The following GSDME variants were observed in gnomAD, a reference collection of about 807,000 sequenced individuals.
GSDME encodes gasdermin E, also known as gasdermin-E.
Under a neutral mutation model 47.5 loss-of-function variants are expected in GSDME, and 44 were observed. The observed-to-expected ratio is 0.93, with a 90% CI of 0.73 to 1.19. GSDME has a LOEUF of 1.19. GSDME is among the 50% of genes most tolerant of loss of function. GSDME has a pLI of 0.00. For synonymous variants in GSDME, 258 were observed against 252.8 expected (o/e 1.02, Z -0.20); for missense variants, 663 against 604.2 (o/e 1.10, Z -1.02).
At chr7:24,794,451 A>G in the GSDME span, among the ~76,000 whole-genome samples, 1,096 of 152,098 alleles carry the variant, frequency 7.2e-3, 19 homozygotes, top group African/African-American at 0.025. Flanking sequence ...TCCCTTTGTC[A>G]CTAGTACTAC....
chr7:24,702,930 T>A, intron 8 of GSDME, 97 bp from the exon 9 acceptor site: 1 of 1,051,704 alleles, frequency 9.5e-7, no homozygotes, highest in Non-Finnish European at 1.4e-6. Context: ...TTTAGTACTT[T>A]CCCGCCAGCC....
chr7:24,700,918 C>T (rs940031396), intron 9 of GSDME, among the ~76,000 whole-genome samples: 3 of 152,176 alleles, frequency 2.0e-5, no homozygotes, highest in African/African-American at 7.2e-5. Flanking sequence ...ATCCACCACC[C>T]CCTTTGCCCA....
At chr7:24,715,084 G>A (rs527800732) in intron 5 of GSDME, among the ~76,000 whole-genome samples, 1 of 152,208 alleles carries the variant, frequency 6.6e-6, no homozygotes, top group Non-Finnish European at 1.5e-5. Context: ...CAGAGGACAG[G>A]ATGCTAAATG....
intron 4 of GSDME, 106 bp downstream of exon 4, chr7:24,718,941 G>T: frequency 7.8e-7 from 1 of 1,278,452 alleles, no homozygotes; most frequent in Non-Finnish European, 1.1e-6. Context: ...CTGTTAACTT[G>T]CTACGGAAAG....
chr7:24,709,592 C>T (rs931155496), intron 6 of GSDME, among the ~76,000 whole-genome samples: 4 of 151,978 alleles, frequency 2.6e-5, no homozygotes, highest in Admixed American at 2.6e-4. Flanking sequence ...TAAGCTCTCA[C>T]CTATTTGTTT....
the GSDME span, among the ~76,000 whole-genome samples, chr7:24,780,283 C>T: frequency 6.6e-6 from 1 of 152,148 alleles, no homozygotes; most frequent in South Asian, 2.1e-4. The surrounding 1 kb of genome is among the most constrained non-coding windows in gnomAD (Gnocchi z 4.1). Context: ...TTGATACACC[C>T]TAGCCAAAGG....
At chr7:24,743,839 C>G (rs1332245161) in intron 3 of GSDME, among the ~76,000 whole-genome samples, 1 of 152,208 alleles carries the variant, frequency 6.6e-6, no homozygotes, top group Non-Finnish European at 1.5e-5. Flanking sequence ...CTAGCACATC[C>G]TAGCCCCTCT....
In GSDME at chr7:24,726,827, A is replaced by G. The variant is rs573622288; in HGVS notation, c.405-7609T>C. Reference sequence around the variant, plus strand: ...TCTCAAAAAAAAAAAAAAAAAACCAATGGCCTCGAGGAAGAGTTTCCAATG... The same window carrying G: ...TCTCAAAAAAAAAAAAAAAAAACCAGTGGCCTCGAGGAAGAGTTTCCAATG... On this transcript the variant is annotated intron_variant, in intron 3 of 9. Coordinates refer to ENST00000645220, the MANE Select transcript of GSDME (RefSeq NM_001127453.2). This position sits in a 1 kb window ranked among gnomAD's most constrained non-coding sequence, Gnocchi z 5.6. Among the ~76,000 whole-genome samples, 299 of 149,986 alleles carry G rather than the reference A, an allele frequency of 2.0e-3. 1 individual carries two copies. Among genetic ancestry groups the G allele is most frequent in the African/African-American group, 6.6e-3 (268 of 40,892 alleles).
At chr7:24,719,686 A>C (rs1005269606) in intron 3 of GSDME, among the ~76,000 whole-genome samples, 3 of 152,088 alleles carry the variant, frequency 2.0e-5, no homozygotes, top group African/African-American at 7.2e-5. Context: ...CTAGCTACTA[A>C]GGAGGCTGAG....
chr7:24,719,289 G>T, intron 3 of GSDME, 71 bp from the exon 4 acceptor site: 1 of 1,505,762 alleles, frequency 6.6e-7, no homozygotes, highest in Non-Finnish European at 9.1e-7. Flanking sequence ...ATTTCCTCTT[G>T]CACAGCAGGC....
At chr7:24,758,026 G>T (rs1324057788), upstream of GSDME, 2 of 152,362 alleles carry the variant, frequency 1.3e-5, no homozygotes, top group Admixed American at 1.3e-4. The surrounding 1 kb of genome is among the most constrained non-coding windows in gnomAD (Gnocchi z 4.6). Context: ...CTCCTTGAGG[G>T]CAAAACCAGG....
rs1331851257 is a variant in GSDME, at chr7:24,739,528, G to A, written c.404+5034C>T. Among the ~76,000 whole-genome samples, 3 of 152,072 alleles carry A rather than the reference G, an allele frequency of 2.0e-5. No individual in the cohort carries two copies. Among genetic ancestry groups the A allele is most frequent in the Non-Finnish European group, 4.4e-5 (3 of 68,006 alleles). On this transcript the variant is annotated intron_variant, in intron 3 of 9. Transcript: ENST00000645220. The surrounding 1 kb of genome is among the most constrained non-coding windows in gnomAD (Gnocchi z 5.1). ...AAGGGAATGCCTGTACACTGTTGGTGGGAATGTAATGCAAATTACTACACT... is the reference window on the plus strand; with the variant it reads ...AAGGGAATGCCTGTACACTGTTGGTAGGAATGTAATGCAAATTACTACACT...
the GSDME span, among the ~76,000 whole-genome samples, chr7:24,785,403 C>T: frequency 2.6e-5 from 4 of 152,224 alleles, no homozygotes; most frequent in Non-Finnish European, 4.4e-5. Context: ...CACAATCTCT[C>T]TTTTAATGTA....
chr7:24,770,706 A>G, the GSDME span, among the ~76,000 whole-genome samples: 1 of 152,210 alleles, frequency 6.6e-6, no homozygotes, highest in East Asian at 1.9e-4. The surrounding 1 kb of genome is among the most constrained non-coding windows in gnomAD (Gnocchi z 4.6). Flanking sequence ...TGAGAATTCT[A>G]TGAAAGAACC....
At chr7:24,767,358 C>T in the GSDME span, among the ~76,000 whole-genome samples, 1 of 152,110 alleles carries the variant, frequency 6.6e-6, no homozygotes, top group Non-Finnish European at 1.5e-5. The surrounding 1 kb of genome is among the most constrained non-coding windows in gnomAD (Gnocchi z 5.3). Context: ...ATATTTGTCT[C>T]ATATAAGGGT....
At chr7:24,787,229 C>T in the GSDME span, among the ~76,000 whole-genome samples, 4 of 152,306 alleles carry the variant, frequency 2.6e-5, no homozygotes, top group East Asian at 5.8e-4. This position sits in a 1 kb window ranked among gnomAD's most constrained non-coding sequence, Gnocchi z 5.0. Context: ...CTGGCTGCCA[C>T]GTCCTCTCAT....
rs371088334 is a variant in GSDME, at chr7:24,719,009, G to A, written c.576+38C>T. ...GCCCCCAACCAAGGTCTCCAGGACT[G>A]CTCAGCCATGAACGCAGGGCAGCCC... On this transcript the variant is annotated intron_variant, in intron 4 of 9. Transcript: ENST00000645220. 3.1e-6 allele frequency: 5 copies of A among 1,609,270 alleles called. No individual in the cohort carries two copies. In the African/African-American group the frequency reaches 6.7e-5, roughly 21 times the overall value.
At chr7:24,750,656 T>G (rs1168911541) in intron 1 of GSDME, among the ~76,000 whole-genome samples, 1 of 152,210 alleles carries the variant, frequency 6.6e-6, no homozygotes, top group Non-Finnish European at 1.5e-5. Context: ...AACAACCTAC[T>G]GACTATCATA....
the GSDME span, among the ~76,000 whole-genome samples, chr7:24,765,744 G>C: frequency 6.6e-6 from 1 of 152,136 alleles, no homozygotes; most frequent in African/African-American, 2.4e-5. Flanking sequence ...TCTTTTAATA[G>C]CACCAAGTTA....
Sources: gnomAD v4.1 joint callset for allele counts (sites outside exome capture counted in the v4.1 genomes callset) on GRCh38, gnomAD v4.1.1 for gene constraint, Gnocchi (gnomAD v3.1) non-coding constraint, MANE v1.5 for transcripts, NCBI Gene and HGNC (gene_info 2026-07-23, HGNC 2026-07-21) for gene names.